Variants in RPTOR observed in about 807,000 individuals in gnomAD.
RPTOR encodes regulatory-associated protein of mTOR.
RPTOR carries 21 observed loss-of-function variants against 169.9 expected under a neutral mutation model. The observed-to-expected ratio is 0.12, with a 90% CI of 0.09 to 0.18. The LOEUF is 0.18. Among genes scored for constraint, RPTOR ranks in the 10% least tolerant of loss-of-function variants. The probability of loss-of-function intolerance (pLI) is 1.00; values close to 1 mark genes in which losing one functional copy is unlikely to be tolerated. For missense variants in RPTOR, 1,133 were observed against 1,855.9 expected, an observed-to-expected ratio of 0.61 and a Z score of 7.16; for synonymous variants, 732 against 753.2, an observed-to-expected ratio of 0.97 and a Z score of 0.46.
intron 3 of RPTOR, among the ~76,000 whole-genome samples, chr17:80,678,000 A>G (rs1417926297): frequency 6.6e-6 from 1 of 152,240 alleles, no homozygotes; most frequent in African/African-American, 2.4e-5. Context: ...CCTCCAGAAT[A>G]ATGTAGAAGA....
At chr17:80,793,872 C>T (rs893711252) in intron 7 of RPTOR, among the ~76,000 whole-genome samples, 1 of 152,238 alleles carries the variant, frequency 6.6e-6, no homozygotes, top group Non-Finnish European at 1.5e-5. Flanking sequence ...TTCACTTCAG[C>T]TCCTGGGTGG....
chr17:80,920,312 T>A (rs941070730), intron 21 of RPTOR, among the ~76,000 whole-genome samples: 4 of 152,194 alleles, frequency 2.6e-5, no homozygotes, highest in Non-Finnish European at 5.9e-5. Flanking sequence ...AGTGCACAGC[T>A]AAAGAAAGCT....
Position 80,964,533 on chromosome 17 carries a change from G to T in RPTOR, c.*203G>T, listed in dbSNP as rs11868753. ...GTCTGGAATGTCAGGGAAGGGGAGG[G>T]CTCGGGTTGACGGTGGCTTCCCACT... On this transcript the variant is annotated 3_prime_UTR_variant, in exon 34 of 34. Transcript: ENST00000306801. 314 of 605,940 alleles carry T rather than the reference G, an allele frequency of 5.2e-4. No individual in the cohort carries two copies. The African/African-American group carries it at 5.3e-3, about 10-fold the overall frequency. 37.5% of individuals were successfully genotyped at this position (605,940 alleles called of 1,614,324 possible). A position where few individuals can be genotyped will look rare whatever the true frequency, so the allele number is the denominator to read the frequency against.
chr17:80,608,890 C>T (rs1427006207), intron 1 of RPTOR, among the ~76,000 whole-genome samples: 1 of 152,212 alleles, frequency 6.6e-6, no homozygotes, highest in Admixed American at 6.5e-5. Flanking sequence ...GATAACTGAG[C>T]ACGAAGCTGA....
rs144192024 is a variant in RPTOR at position 80,877,731 on chromosome 17, T to A, written c.1510-2684T>A. 1.4e-3 allele frequency among the ~76,000 whole-genome samples: 219 copies of A among 152,282 alleles called. 1 individual carries two copies. The highest frequency in any genetic ancestry group is 5.2e-3 in the African/African-American group (215 of 41,558). The stretch of plus-strand genomic sequence containing the variant: ...GGACGGCGGTCGATGCATCTCAGTT[T>A]ATTTGTCAAAACCTTCAGCTAAAGC... On this transcript the variant is annotated intron_variant, in intron 13 of 33. Transcript: ENST00000306801.
intron 1 of RPTOR, chr17:80,602,585 G>T: frequency 6.6e-6 from 4 of 604,070 alleles, no homozygotes; most frequent in South Asian, 5.7e-5. Flanking sequence ...GTAGATTTTT[G>T]AACATGGTAA....
At chr17:80,749,079 A>G (rs28510932) in intron 5 of RPTOR, among the ~76,000 whole-genome samples, 7 of 35,052 alleles carry the variant, frequency 2.0e-4, no homozygotes, top group Admixed American at 5.6e-4. Flanking sequence ...AGGCCGTGGC[A>G]AGAGGACCTG....
At chr17:80,808,402 T>C (rs1365288716) in intron 7 of RPTOR, among the ~76,000 whole-genome samples, 1 of 152,048 alleles carries the variant, frequency 6.6e-6, no homozygotes, top group Non-Finnish European at 1.5e-5. Context: ...CCAGCTTGGG[T>C]GACAGAGCAA....
At chr17:80,795,221 C>T (rs58123427) in intron 7 of RPTOR, among the ~76,000 whole-genome samples, 13 of 152,332 alleles carry the variant, frequency 8.5e-5, no homozygotes, top group African/African-American at 2.4e-4. Context: ...GAAGTGGATT[C>T]TACAGCAGCA....
chr17:80,638,082 A>T (rs1429988793), intron 2 of RPTOR, among the ~76,000 whole-genome samples: 1 of 152,244 alleles, frequency 6.6e-6, no homozygotes, highest in African/African-American at 2.4e-5. Context: ...GGGAGGTAAG[A>T]CTAGGATCCA....
At chr17:80,918,391 C>T (rs973034453) in intron 21 of RPTOR, among the ~76,000 whole-genome samples, 1 of 149,502 alleles carries the variant, frequency 6.7e-6, no homozygotes. Flanking sequence ...CTGCAGGCAG[C>T]GGCTGCCCCA....
rs1598243033 is a variant in RPTOR at position 80,707,969 on chromosome 17, A to G, written c.477A>G (p.Thr159=). The stretch of plus-strand genomic sequence containing the variant: ...ATGGCCACGGGGTGCCCCGGCCCAC[A>G]GTCAACGGGGAGGTCTGGGTCTTCA... ...HYNGHGVPRP[T]VNGEVWVFNK... is the part of the protein sequence containing the mutation. The change falls in exon 4 of 34, where the codon ACA becomes ACG. Residue 159 remains threonine, a synonymous_variant. Coordinates refer to ENST00000306801, the MANE Select transcript of RPTOR (RefSeq NM_020761.3). The surrounding 1 kb of genome is among the most constrained non-coding windows in gnomAD (Gnocchi z 5.0). The G allele has an allele frequency of 1.9e-6, 3 of 1,613,610 alleles. No individual in the cohort carries two copies. Among genetic ancestry groups the G allele is most frequent in the South Asian group, 2.2e-5 (2 of 91,012 alleles).
At chr17:80,911,979 C>T (rs1164979683) in intron 21 of RPTOR, among the ~76,000 whole-genome samples, 1 of 152,152 alleles carries the variant, frequency 6.6e-6, no homozygotes, top group Non-Finnish European at 1.5e-5. Context: ...TGAGCTGACG[C>T]TCTGGAGGAT....
intron 20 of RPTOR, among the ~76,000 whole-genome samples, chr17:80,901,963 T>C (rs2068482129): frequency 1.3e-5 from 2 of 152,206 alleles, no homozygotes; most frequent in South Asian, 4.1e-4. Flanking sequence ...CCCCCAGCAG[T>C]GCCTGGCCCT....
In RPTOR at chr17:80,708,117, C is replaced by A; in HGVS notation, c.507+118C>A. ...TAAGCCATTGATGTTTACTGTGTTT[C>A]AACAAACCCAAATGCCATAACTGAA... On this transcript the variant is annotated intron_variant, in intron 4 of 33. Coordinates refer to ENST00000306801, the MANE Select transcript of RPTOR (RefSeq NM_020761.3). The surrounding 1 kb of genome is among the most constrained non-coding windows in gnomAD (Gnocchi z 4.2). 1 of 1,018,708 alleles carries A rather than the reference C, an allele frequency of 9.8e-7. No individual in the cohort carries two copies. Among genetic ancestry groups the A allele is most frequent in the Non-Finnish European group, 1.4e-6 (1 of 709,576 alleles). The allele number at this position is 1,018,708 out of a possible 1,614,324, so 63.1% of individuals were successfully genotyped here.
At chr17:80,675,959 A>G (rs1371540160) in intron 3 of RPTOR, among the ~76,000 whole-genome samples, 4 of 152,222 alleles carry the variant, frequency 2.6e-5, no homozygotes, top group Non-Finnish European at 4.4e-5. Context: ...AATACTTTTG[A>G]GAGTGTGAAT....
intron 9 of RPTOR, among the ~76,000 whole-genome samples, chr17:80,837,419 G>A (rs144130680): frequency 2.4e-3 from 363 of 152,252 alleles, no homozygotes; most frequent in Middle Eastern, 0.024. Context: ...AGCCCTGACC[G>A]CCAGGACTCC....
At chr17:80,946,752 GT>G (rs1315044441) in intron 26 of RPTOR, among the ~76,000 whole-genome samples, 1 of 152,192 alleles carries the variant, frequency 6.6e-6, no homozygotes, top group Non-Finnish European at 1.5e-5. Flanking sequence ...TCCACCTTTT[GT>G]CTATTGTGAA....
intron 1 of RPTOR, among the ~76,000 whole-genome samples, chr17:80,607,355 A>G (rs1283732465): frequency 6.6e-6 from 1 of 152,210 alleles, no homozygotes; most frequent in Admixed American, 6.5e-5. Context: ...GGTAATGTTC[A>G]AAAAATGGAT....
Sources: allele counts gnomAD v4.1 joint callset (sites outside exome capture counted in the v4.1 genomes callset), GRCh38; gene constraint gnomAD v4.1.1; non-coding constraint Gnocchi (gnomAD v3.1); transcripts MANE v1.5; gene names NCBI Gene and HGNC (gene_info 2026-07-23, HGNC 2026-07-21).